TTC31: variants seen among roughly 807,000 people sequenced by gnomAD.
The protein encoded by TTC31 is tetratricopeptide repeat protein 31.
In TTC31, 59 loss-of-function variants were observed where a neutral mutation model predicts 60.4. The ratio of observed to expected loss-of-function variants is 0.98; its 90% confidence interval spans 0.79 to 1.21. The LOEUF is 1.21. TTC31 is among the 50% of genes most tolerant of loss of function. The pLI is 0.00. For synonymous variants in TTC31, 225 were observed against 249.6 expected, an observed-to-expected ratio of 0.90 and a Z score of 0.93; for missense variants, 672 against 646.9, an observed-to-expected ratio of 1.04 and a Z score of -0.42.
chr2:74,483,415 A>G lies in TTC31; in HGVS notation c.129+5A>G. ...CCAGAGGATTACGGCGAAGAGGTAAAAGCGACCCTCAGTTTCCCCCAGTCC... is the reference window on the plus strand; with the variant it reads ...CCAGAGGATTACGGCGAAGAGGTAAGAGCGACCCTCAGTTTCCCCCAGTCC... On this transcript the variant is annotated splice_donor_5th_base_variant and intron_variant, in intron 2 of 12. Coordinates refer to ENST00000233623, the MANE Select transcript of TTC31 (RefSeq NM_022492.6). 6.2e-7 allele frequency: 1 copy of G among 1,614,104 alleles called. No individual in the cohort carries two copies. Among genetic ancestry groups the G allele is most frequent in the Non-Finnish European group, 8.5e-7 (1 of 1,179,998 alleles).
Position 74,483,124 on chromosome 2 carries a change from G to T in TTC31, c.29G>T (p.Arg10Leu), listed in dbSNP as rs1160738028. 4.3e-6 allele frequency: 7 copies of T among 1,614,214 alleles called. No homozygotes were observed. The highest frequency in any genetic ancestry group is 5.9e-6 in the Non-Finnish European group (7 of 1,180,046). The change falls in exon 1 of 13, where the codon CGG (arginine) becomes CTG (leucine). Residue 10 changes from arginine to leucine, a missense_variant. Coordinates refer to ENST00000233623, the MANE Select transcript of TTC31 (RefSeq NM_022492.6). Reference protein sequence around the residue: MAPIPKTVGRIKLDCSLRPS... With the variant: MAPIPKTVGLIKLDCSLRPS... ...GCGCCGATTCCAAAGACTGTGGGGC[G>T]GATCAAGCTAGGTGAGCGGTATGAC...
rs1251048916 is a variant in TTC31, at chr2:74,493,521, AG to A, written c.*304del. 3.2e-6 allele frequency: 1 copy of A among 313,372 alleles called. No homozygotes were observed. Among genetic ancestry groups the A allele is most frequent in the Non-Finnish European group, 5.9e-6 (1 of 169,092 alleles). 19.4% of individuals were successfully genotyped at this position (313,372 alleles called of 1,614,324 possible). A position where few individuals can be genotyped will look rare whatever the true frequency, so the allele number is the denominator to read the frequency against. ...TTTTTAGGCTATAGCAGAGACAGTGAGAAAGCATCTGGGCCTTTCTCTTCCT... is the reference window on the plus strand; with the variant it reads ...TTTTTAGGCTATAGCAGAGACAGTGAAAAGCATCTGGGCCTTTCTCTTCCT... On this transcript the variant is annotated 3_prime_UTR_variant, in exon 13 of 13. Coordinates refer to ENST00000233623, the MANE Select transcript of TTC31 (RefSeq NM_022492.6).
At chr2:74,484,665 G>A (rs1358403504) in intron 2 of TTC31, among the ~76,000 whole-genome samples, 6 of 152,010 alleles carry the variant, frequency 3.9e-5, no homozygotes, top group Admixed American at 3.9e-4. Flanking sequence ...CACCATGTTG[G>A]CCAGCATGGT....
chr2:74,487,020 C>T (rs951624716), intron 2 of TTC31, among the ~76,000 whole-genome samples: 2 of 152,116 alleles, frequency 1.3e-5, no homozygotes, highest in Non-Finnish European at 2.9e-5. Context: ...AAGTAAAGTG[C>T]AAAGCCCTAA....
chr2:74,493,063 C>G lies in TTC31; in HGVS notation c.1405C>G (p.Pro469Ala). 6.2e-7 allele frequency: 1 copy of G among 1,614,152 alleles called. No homozygotes were observed. Among genetic ancestry groups the G allele is most frequent in the Non-Finnish European group, 8.5e-7 (1 of 1,180,012 alleles). Residue 469 changes from proline to alanine, a missense_variant, in exon 13 of 13, where the codon CCA becomes GCA. Coordinates refer to ENST00000233623, the MANE Select transcript of TTC31 (RefSeq NM_022492.6). The stretch of plus-strand genomic sequence containing the variant: ...TGCTTTGAGGTCCCCTGGCCTGTCT[C>G]CACTCTTGCATTATCCTTCATGTCA... ...STALRSPGLS[P>A]LLHYPSCHRS...
chr2:74,483,867 G>A (rs1040172683), intron 2 of TTC31, among the ~76,000 whole-genome samples: 3 of 151,362 alleles, frequency 2.0e-5, no homozygotes, highest in Admixed American at 6.6e-5. Context: ...TCTCTTGAGC[G>A]CGGGAGGTCA....
rs560009541 is a variant in TTC31 at position 74,483,539 on chromosome 2, C to T, written c.129+129C>T. The T allele has an allele frequency of 2.1e-5, 33 of 1,538,130 alleles. No individual in the cohort carries two copies. The South Asian group carries it at 3.7e-4, about 17-fold the overall frequency. Reference sequence around the variant, plus strand: ...TGGAGGCTTTGGGGAGTTGTAGTCTCCGGCCATGCCCTTGAGGATCTTAGG... The same window carrying T: ...TGGAGGCTTTGGGGAGTTGTAGTCTTCGGCCATGCCCTTGAGGATCTTAGG... On this transcript the variant is annotated intron_variant, in intron 2 of 12. Coordinates refer to ENST00000233623, the MANE Select transcript of TTC31 (RefSeq NM_022492.6).
chr2:74,483,113 G>A lies in TTC31; in HGVS notation c.18G>A (p.Lys6=). Residue 6 remains lysine, a synonymous_variant, in exon 1 of 13, where the codon AAG becomes AAA. Transcript: ENST00000233623. The part of the protein sequence containing the change: MAPIP[K]TVGRIKLDCS... ...TAGATGCGATGGCGCCGATTCCAAA[G>A]ACTGTGGGGCGGATCAAGCTAGGTG... 6.2e-7 allele frequency: 1 copy of A among 1,614,232 alleles called. No homozygotes were observed. The highest frequency in any genetic ancestry group is 8.5e-7 in the Non-Finnish European group (1 of 1,180,048).
In TTC31 at chr2:74,490,646, C is replaced by T. The variant is rs370719863; in HGVS notation, c.463-10C>T. The T allele has an allele frequency of 1.1e-5, 17 of 1,613,226 alleles. No individual in the cohort carries two copies. Among genetic ancestry groups the T allele is most frequent in the African/African-American group, 1.3e-5 (1 of 74,882 alleles). ...CTCTCTTTTTCTGTCACCTGCCCTTCGTCCTTCAGGAAGCCAATCGCCTGG... is the reference window on the plus strand; with the variant it reads ...CTCTCTTTTTCTGTCACCTGCCCTTTGTCCTTCAGGAAGCCAATCGCCTGG... On this transcript the variant is annotated splice_polypyrimidine_tract_variant and intron_variant, in intron 4 of 12. Coordinates refer to ENST00000233623, the MANE Select transcript of TTC31 (RefSeq NM_022492.6).
chr2:74,491,378 G>T lies in TTC31; in HGVS notation c.684+3G>T. On this transcript the variant is annotated splice_donor_region_variant and intron_variant, in intron 7 of 12. Coordinates refer to ENST00000233623, the MANE Select transcript of TTC31 (RefSeq NM_022492.6). ...AGGGACAGTGTGGTGAAGAAGAGGT[G>T]AGAGCCCCTTTTTTCCCTTCTTGGT... The T allele has an allele frequency of 6.2e-7, 1 of 1,614,162 alleles. No individual in the cohort carries two copies.
chr2:74,491,811 G>T lies in TTC31; in HGVS notation c.876+139G>T, dbSNP rs1323673893. ...CTAGGGTCAAGAGACCTACAGTCAG[G>T]CCCCATCACTGTCACCATGACCCCG... is the stretch of plus-strand genomic sequence containing the variant. On this transcript the variant is annotated intron_variant, in intron 8 of 12. Transcript: ENST00000233623. The T allele has an allele frequency of 4.4e-6, 6 of 1,372,166 alleles. No individual in the cohort carries two copies. In the African/African-American group the frequency reaches 5.8e-5, roughly 13 times the overall value. The allele number at this position is 1,372,166 out of a possible 1,614,324, so 85.0% of individuals were successfully genotyped here. A position where few individuals can be genotyped will look rare whatever the true frequency, so the allele number is the denominator to read the frequency against.
At position 74,492,158 on chromosome 2, in the gene TTC31, T is replaced by C. The variant is rs564301883; in HGVS notation, c.948T>C (p.Ala316=). The part of the protein sequence containing the change: ...QELAKLGTSF[A]QNGFYHEAVV... ...TTCCAGAGTTGGGTACCAGCTTTGC[T>C]CAAAATGGTTTCTACCATGAGGCCG... is the stretch of plus-strand genomic sequence containing the variant. The change falls in exon 10 of 13, where the codon GCT becomes GCC. Residue 316 remains alanine, a synonymous_variant. Coordinates refer to ENST00000233623, the MANE Select transcript of TTC31 (RefSeq NM_022492.6). The C allele has an allele frequency of 6.2e-7, 1 of 1,614,186 alleles. No homozygotes were observed. The highest frequency in any genetic ancestry group is 2.2e-5 in the East Asian group (1 of 44,882).
chr2:74,483,874 G>A (rs1672753387), intron 2 of TTC31, among the ~76,000 whole-genome samples: 1 of 151,564 alleles, frequency 6.6e-6, no homozygotes, highest in East Asian at 1.9e-4. Flanking sequence ...AGCGCGGGAG[G>A]TCAAGGTTTC....
Position 74,490,873 on chromosome 2 carries a change from C to G in TTC31, c.546+134C>G, listed in dbSNP as rs1673781859. 3.0e-6 allele frequency: 3 copies of G among 1,006,540 alleles called. No homozygotes were observed. In the Admixed American group the frequency reaches 7.5e-5, roughly 25 times the overall value. The allele number at this position is 1,006,540 out of a possible 1,614,324, so 62.4% of individuals were successfully genotyped here. On this transcript the variant is annotated intron_variant, in intron 5 of 12. Coordinates refer to ENST00000233623, the MANE Select transcript of TTC31 (RefSeq NM_022492.6). ...CTCTTGCCAGGAGGACACAAGGGGC[C>G]CAGGGACTGGGGGGTCTCTCACAGG...
rs1572969209 is a variant in TTC31 at position 74,493,480 on chromosome 2, T to C, written c.*262T>C. On this transcript the variant is annotated 3_prime_UTR_variant, in exon 13 of 13. Transcript: ENST00000233623. ...ACCCACCAAGGCTCAAGAAGGGAAC[T>C]ATAGAAAAGTTCAGGTTTTTAGGCT... The C allele has an allele frequency of 2.2e-6, 1 of 460,410 alleles. No homozygotes were observed. Among genetic ancestry groups the C allele is most frequent in the African/African-American group, 2.0e-5 (1 of 50,814 alleles). The allele number at this position is 460,410 out of a possible 1,614,324, so 28.5% of individuals were successfully genotyped here.
intron 10 of TTC31, 27 bp downstream of exon 10, chr2:74,492,256 G>A (rs1485076335): frequency 6.2e-7 from 1 of 1,614,042 alleles, no homozygotes; most frequent in African/African-American, 1.3e-5. Context: ...CCAGGGCAGG[G>A]CAGAGTGTTG....
intron 1 of TTC31, 59 bp from the exon 2 acceptor site, chr2:74,483,263 A>G: frequency 6.2e-7 from 1 of 1,612,914 alleles, no homozygotes; most frequent in South Asian, 1.1e-5. Context: ...TAGAGTGGGG[A>G]GGACTCTAGC....
chr2:74,489,828 G>T (rs1167140471), intron 2 of TTC31, among the ~76,000 whole-genome samples, 197 bp from the exon 3 acceptor site: 1 of 152,148 alleles, frequency 6.6e-6, no homozygotes, highest in Non-Finnish European at 1.5e-5. Context: ...AGCAGCGAGG[G>T]GAGGTGATTC....
intron 2 of TTC31, among the ~76,000 whole-genome samples, chr2:74,484,573 C>T (rs542446811): frequency 6.6e-6 from 1 of 152,014 alleles, no homozygotes; most frequent in South Asian, 2.1e-4. Context: ...ATTCTTCTGC[C>T]TCAGCCTCCT....
Sources: gnomAD v4.1 joint callset for allele counts (sites outside exome capture counted in the v4.1 genomes callset) on GRCh38, gnomAD v4.1.1 for gene constraint, MANE v1.5 for transcripts, NCBI Gene and HGNC (gene_info 2026-07-23, HGNC 2026-07-21) for gene names.